Variants in DRG2 observed in about 807,000 individuals in gnomAD.
DRG2 encodes developmentally regulated GTP binding protein 2.
In DRG2, 36 loss-of-function variants were observed where a neutral mutation model predicts 53.4. The ratio of observed to expected loss-of-function variants is 0.67; its 90% CI spans 0.52 to 0.89. The LOEUF is 0.89. DRG2 is among the 40% of genes least tolerant of loss of function. The probability of loss-of-function intolerance (pLI) is 0.00; values close to 1 mark genes in which losing one functional copy is unlikely to be tolerated. For synonymous variants in DRG2, 167 were observed against 192.1 expected (o/e 0.87, Z 1.08); for missense variants, 342 against 481.2 (o/e 0.71, Z 2.71).
intron 1 of DRG2, among the ~76,000 whole-genome samples, chr17:18,093,395 C>T (rs565982781): frequency 6.6e-6 from 1 of 151,790 alleles, no homozygotes; most frequent in South Asian, 2.1e-4. Context: ...TCTCGGCTCA[C>T]CACAACCTCT....
intron 11 of DRG2, among the ~76,000 whole-genome samples, chr17:18,104,892 G>T (rs1220372702): frequency 6.6e-6 from 1 of 152,216 alleles, no homozygotes; most frequent in Non-Finnish European, 1.5e-5. Context: ...CTGTGAGGGG[G>T]GTGTGCTGCC....
chr17:18,099,130 G>C lies in DRG2; in HGVS notation c.376+53G>C. Reference sequence around the variant, plus strand: ...GCAGACTGGAGCTCTGTTACTGATCGTTGAAATTGGGTGTGGCTGTCATGG... The same window carrying C: ...GCAGACTGGAGCTCTGTTACTGATCCTTGAAATTGGGTGTGGCTGTCATGG... On this transcript the variant is annotated intron_variant, in intron 4 of 12. Transcript: ENST00000225729. The surrounding 1 kb of genome is among the most constrained non-coding windows in gnomAD (Gnocchi z 4.4). The C allele has an allele frequency of 6.2e-7, 1 of 1,610,194 alleles. No individual in the cohort carries two copies. The highest frequency in any genetic ancestry group is 1.1e-5 in the South Asian group (1 of 90,992).
chr17:18,098,575 A>G lies in DRG2; in HGVS notation c.315+216A>G. ...GGGCCTGGAACTAGGAGGTCAGGCC[A>G]GCATGTGGCTACTTTGCCTGGCGCC... On this transcript the variant is annotated intron_variant, in intron 3 of 12. Transcript: ENST00000225729. The surrounding 1 kb of genome is among the most constrained non-coding windows in gnomAD (Gnocchi z 4.1). 1.9e-6 allele frequency: 1 copy of G among 515,134 alleles called. No individual in the cohort carries two copies. Among genetic ancestry groups the G allele is most frequent in the Non-Finnish European group, 3.5e-6 (1 of 282,932 alleles). 31.9% of individuals were successfully genotyped at this position (515,134 alleles called of 1,614,324 possible).
chr17:18,104,806 AG>A (rs1276101215), intron 11 of DRG2, 125 bp downstream of exon 11: 1 of 1,501,410 alleles, frequency 6.7e-7, no homozygotes, highest in Non-Finnish European at 9.0e-7. Context: ...ATGTCAACGC[AG>A]GCTCTGGAGT....
At chr17:18,101,626 G>A (rs138917225) in intron 8 of DRG2, 36 bp downstream of exon 8, 290 of 1,599,010 alleles carry the variant, frequency 1.8e-4, no homozygotes, top group Middle Eastern at 3.3e-4. Flanking sequence ...CTGGCCACTC[G>A]GCCTTTCTAC....
In DRG2 at chr17:18,098,167, G is replaced by A; in HGVS notation, c.226-103G>A. 1.1e-6 allele frequency: 1 copy of A among 902,538 alleles called. No individual in the cohort carries two copies. The highest frequency in any genetic ancestry group is 1.8e-6 in the Non-Finnish European group (1 of 559,796). 55.9% of individuals were successfully genotyped at this position (902,538 alleles called of 1,614,324 possible). ...TAGGTCACCAAGCCGAGGGTGAGAGGGTCTCCTCCTGCTGCCTGCACCTGC... is the reference window on the plus strand; with the variant it reads ...TAGGTCACCAAGCCGAGGGTGAGAGAGTCTCCTCCTGCTGCCTGCACCTGC... On this transcript the variant is annotated intron_variant, in intron 2 of 12. Coordinates refer to ENST00000225729, the MANE Select transcript of DRG2 (RefSeq NM_001388.5). The surrounding 1 kb of genome is among the most constrained non-coding windows in gnomAD (Gnocchi z 4.1).
At chr17:18,092,956 A>T (rs149206021) in intron 1 of DRG2, among the ~76,000 whole-genome samples, 1 of 152,354 alleles carries the variant, frequency 6.6e-6, no homozygotes, top group East Asian at 1.9e-4. Context: ...CATATACATA[A>T]TAGTTGCATT....
At chr17:18,104,786 T>C in intron 11 of DRG2, 105 bp downstream of exon 11, 3 of 1,569,042 alleles carry the variant, frequency 1.9e-6, no homozygotes, top group Non-Finnish European at 2.6e-6. Context: ...TCTGCTGGTC[T>C]CACTCTCAGA....
At chr17:18,096,239 G>T (rs553650004) in intron 2 of DRG2, 2 of 152,136 alleles carry the variant, frequency 1.3e-5, no homozygotes, top group East Asian at 3.9e-4. Context: ...TTGCCATGCC[G>T]CTTTGGGGAG....
Position 18,090,369 on chromosome 17 carries a change from TA to T in DRG2, c.64+2283del, listed in dbSNP as rs1304794852. ...TGTGCACCACCACACCGGGCTAATT[TA>T]TATATATATATATATATATATATAT... On this transcript the variant is annotated intron_variant, in intron 1 of 12. Coordinates refer to ENST00000225729, the MANE Select transcript of DRG2 (RefSeq NM_001388.5). 4.6e-3 allele frequency among the ~76,000 whole-genome samples: 18 copies of T among 3,916 alleles called. 1 individual carries two copies. Among genetic ancestry groups the T allele is most frequent in the East Asian group, 8.3e-3 (1 of 120 alleles). The allele number at this position is 3,916 out of a possible 152,430, so 2.6% of individuals were successfully genotyped here. A position where few individuals can be genotyped will look rare whatever the true frequency, so the allele number is the denominator to read the frequency against.
At chr17:18,102,762 G>A (rs2045563415) in intron 9 of DRG2, among the ~76,000 whole-genome samples, 2 of 152,068 alleles carry the variant, frequency 1.3e-5, no homozygotes, top group Admixed American at 1.3e-4. Context: ...GGGAAAAAGG[G>A]AACTAATGTT....
chr17:18,101,875 G>A, intron 8 of DRG2, 46 bp from the exon 9 acceptor site: 2 of 1,577,308 alleles, frequency 1.3e-6, no homozygotes, highest in Non-Finnish European at 8.6e-7. Flanking sequence ...TTTCCTGGAT[G>A]CCTTGCTCCT....
chr17:18,100,312 C>T lies in DRG2; in HGVS notation c.468-51C>T. The T allele has an allele frequency of 6.3e-7, 1 of 1,581,206 alleles. No individual in the cohort carries two copies. The highest frequency in any genetic ancestry group is 8.7e-7 in the Non-Finnish European group (1 of 1,150,758). ...CATCCTGCGTAACAGGGAAGCTGTG[C>T]ATCTGGCTCTGTGGACAGCCTGTGA... is the stretch of plus-strand genomic sequence containing the variant. On this transcript the variant is annotated intron_variant, in intron 5 of 12. Transcript: ENST00000225729. The surrounding 1 kb of genome is among the most constrained non-coding windows in gnomAD (Gnocchi z 4.1).
At position 18,103,790 on chromosome 17, in the gene DRG2, C is replaced by G; in HGVS notation, c.807-11C>G. 1 of 1,614,052 alleles carries G rather than the reference C, an allele frequency of 6.2e-7. No homozygotes were observed. The highest frequency in any genetic ancestry group is 1.3e-5 in the African/African-American group (1 of 75,054). On this transcript the variant is annotated splice_polypyrimidine_tract_variant and intron_variant, in intron 9 of 12. Coordinates refer to ENST00000225729, the MANE Select transcript of DRG2 (RefSeq NM_001388.5). This position sits in a 1 kb window ranked among gnomAD's most constrained non-coding sequence, Gnocchi z 4.4. The stretch of plus-strand genomic sequence containing the variant: ...GGGCCCCTGCCTGACTGGCCGCCTC[C>G]CTCTTTGCAGCTGCGGCATGAAGCT...
intron 2 of DRG2, 147 bp downstream of exon 2, chr17:18,094,120 T>C: frequency 1.8e-6 from 2 of 1,087,740 alleles, no homozygotes; most frequent in Non-Finnish European, 1.3e-6. Context: ...TCCCAGCCCT[T>C]TATCATCCTA....
intron 2 of DRG2, 134 bp downstream of exon 2, chr17:18,094,107 A>G: frequency 8.2e-7 from 1 of 1,217,070 alleles, no homozygotes. Context: ...CCCCAGGGTC[A>G]GATCCCAGCC....
rs1162452419 is a variant in DRG2 at position 18,098,461 on chromosome 17, G to A, written c.315+102G>A. ...TGTGAGTCTGGGTGGATGTCCCCAT[G>A]TCAGGACAGGCTCTGGACTGAGCTG... On this transcript the variant is annotated intron_variant, in intron 3 of 12. Transcript: ENST00000225729. The surrounding 1 kb of genome is among the most constrained non-coding windows in gnomAD (Gnocchi z 4.1). 4 of 1,050,416 alleles carry A rather than the reference G, an allele frequency of 3.8e-6. No homozygotes were observed. The African/African-American group carries it at 4.7e-5, about 12-fold the overall frequency. 65.1% of individuals were successfully genotyped at this position (1,050,416 alleles called of 1,614,324 possible). A position where few individuals can be genotyped will look rare whatever the true frequency, so the allele number is the denominator to read the frequency against.
In DRG2 at chr17:18,100,775, C is replaced by T; in HGVS notation, c.631+116C>T. ...GGGTGGCAGCAGGTCACCCCCACTGCCCCTGCTGTCCATTCAAGTAGCCTC... is the reference window on the plus strand; with the variant it reads ...GGGTGGCAGCAGGTCACCCCCACTGTCCCTGCTGTCCATTCAAGTAGCCTC... On this transcript the variant is annotated intron_variant, in intron 7 of 12. Coordinates refer to ENST00000225729, the MANE Select transcript of DRG2 (RefSeq NM_001388.5). This position sits in a 1 kb window ranked among gnomAD's most constrained non-coding sequence, Gnocchi z 4.1. The T allele has an allele frequency of 8.2e-6, 8 of 972,016 alleles. No individual in the cohort carries two copies. The highest frequency in any genetic ancestry group is 1.3e-5 in the Non-Finnish European group (8 of 638,410). The allele number at this position is 972,016 out of a possible 1,614,324, so 60.2% of individuals were successfully genotyped here.
At chr17:18,090,467 AGTGCAATG>A (rs1960905156) in intron 1 of DRG2, among the ~76,000 whole-genome samples, 1 of 116,690 alleles carries the variant, frequency 8.6e-6, no homozygotes, top group Admixed American at 1.1e-4. Flanking sequence ...CCCAGGCTGG[AGTGCAATG>A]GTGCAATCTC....
Sources: gnomAD v4.1 joint callset for allele counts (sites outside exome capture counted in the v4.1 genomes callset) on GRCh38, gnomAD v4.1.1 for gene constraint, Gnocchi (gnomAD v3.1) non-coding constraint, MANE v1.5 for transcripts, NCBI Gene and HGNC (gene_info 2026-07-23, HGNC 2026-07-21) for gene names.